MYO15A: variants seen among roughly 807,000 people sequenced by gnomAD.
The protein encoded by MYO15A is myosin XVA.
In MYO15A, 308 loss-of-function variants were observed where a neutral mutation model predicts 394.6. The ratio of observed to expected loss-of-function variants is 0.78; its 90% CI spans 0.71 to 0.86. MYO15A has a LOEUF of 0.86. Among genes scored for constraint, MYO15A ranks in the 40% least tolerant of loss-of-function variants. The probability of loss-of-function intolerance (pLI) is 0.00; values close to 1 mark genes in which losing one functional copy is unlikely to be tolerated. For synonymous variants in MYO15A, 1,957 were observed against 2,003.8 expected (o/e 0.98, Z 0.62); for missense variants, 4,606 against 4,799.1 (o/e 0.96, Z 1.19).
chr17:18,175,803 G>A (rs1186259166), intron 65 of MYO15A, among the ~76,000 whole-genome samples: 3 of 152,040 alleles, frequency 2.0e-5, no homozygotes, highest in Non-Finnish European at 4.4e-5. Flanking sequence ...AGGCACTCAG[G>A]CCCCAAATCT....
rs200487256 is a variant in MYO15A, at chr17:18,124,582, G to A, written c.3692+17G>A. ...ACAGCTGGAGTGAGTGGGCAGGGCCGGCGGGGTCAGCAAGGGGTCACCATG... is the reference window on the plus strand; with the variant it reads ...ACAGCTGGAGTGAGTGGGCAGGGCCAGCGGGGTCAGCAAGGGGTCACCATG... On this transcript the variant is annotated intron_variant, in intron 3 of 65. Coordinates refer to ENST00000647165, the MANE Select transcript of MYO15A (RefSeq NM_016239.4). The A allele has an allele frequency of 5.3e-5, 85 of 1,611,738 alleles. No individual in the cohort carries two copies. The highest frequency in any genetic ancestry group is 2.6e-4 in the South Asian group (24 of 90,928).
chr17:18,161,821 G>A (rs2046781571), intron 57 of MYO15A, among the ~76,000 whole-genome samples: 1 of 152,078 alleles, frequency 6.6e-6, no homozygotes, highest in Non-Finnish European at 1.5e-5. Flanking sequence ...TGACTGTTGG[G>A]ACTCAGCAAG....
In MYO15A at chr17:18,136,485, C is replaced by T. The variant is rs540524665; in HGVS notation, c.4655+10C>T. ...GCGCTGTGGATGCCAGGTGAGGCCA[C>T]GCCCTCCCCTGCCTGAGCCCCGAGG... On this transcript the variant is annotated intron_variant, in intron 14 of 65. Coordinates refer to ENST00000647165, the MANE Select transcript of MYO15A (RefSeq NM_016239.4). The T allele has an allele frequency of 3.2e-5, 51 of 1,613,602 alleles. No homozygotes were observed. The highest frequency in any genetic ancestry group is 2.0e-4 in the South Asian group (18 of 91,078).
chr17:18,114,307 A>G (rs573017932), intron 1 of MYO15A, among the ~76,000 whole-genome samples: 4 of 125,610 alleles, frequency 3.2e-5, no homozygotes, highest in African/African-American at 9.1e-5. Flanking sequence ...GCTGGAGTGC[A>G]ATGGCTTCAT....
At chr17:18,115,472 G>GGCCCCAGT (rs2045771939) in intron 1 of MYO15A, among the ~76,000 whole-genome samples, 1 of 152,174 alleles carries the variant, frequency 6.6e-6, no homozygotes, top group Non-Finnish European at 1.5e-5. Context: ...TACAAAATTA[G>GGCCCCAGT]CTGGGCGTGG....
chr17:18,166,035 G>T (rs1352552364), intron 60 of MYO15A, among the ~76,000 whole-genome samples: 1 of 152,186 alleles, frequency 6.6e-6, no homozygotes, highest in Non-Finnish European at 1.5e-5. Context: ...ATAATGCAGG[G>T]CACTTTCCCA....
Position 18,156,955 on chromosome 17 carries a change from A to T in MYO15A, c.8603A>T (p.Asp2868Val). 2 of 1,613,950 alleles carry T rather than the reference A, an allele frequency of 1.2e-6. No individual in the cohort carries two copies. Among genetic ancestry groups the T allele is most frequent in the Non-Finnish European group, 1.7e-6 (2 of 1,179,954 alleles). Residue 2868 changes from aspartate (D) to valine (V), a missense_variant and splice_region_variant, in exon 49 of 66, where the codon GAC becomes GTC. By Grantham distance (152) the Asp-to-Val change is radical. Transcript: ENST00000647165. ...VDDFILELKK[D>V]SDYVVAVRNF... ...TCACCCTGCCTCTGGCTGACCCAGG[A>T]CTCTGACTACGTGGTCGCTGTGAGG...
chr17:18,156,457 T>G, intron 48 of MYO15A, 121 bp downstream of exon 48: 1 of 1,138,316 alleles, frequency 8.8e-7, no homozygotes, highest in Non-Finnish European at 1.3e-6. Context: ...GCCTTTGCAC[T>G]GGCTGTGCCT....
chr17:18,126,465 CTCGGGGG>C lies in MYO15A; in HGVS notation c.3866+10_3866+16del. On this transcript the variant is annotated intron_variant, in intron 5 of 65. Coordinates refer to ENST00000647165, the MANE Select transcript of MYO15A (RefSeq NM_016239.4). ...CTGGGAGAGAATCCCCCGTGAGTGT[CTCGGGGG>C]CGCTGCCCTGGGGTCTCTTGGGCCC... 1 of 1,612,320 alleles carries C rather than the reference CTCGGGGG, an allele frequency of 6.2e-7. No individual in the cohort carries two copies. The highest frequency in any genetic ancestry group is 8.5e-7 in the Non-Finnish European group (1 of 1,178,882).
Position 18,121,431 on chromosome 17 carries a change from G to A in MYO15A, c.2631G>A (p.Glu877=), listed in dbSNP as rs1461189167. 6.5e-7 allele frequency: 1 copy of A among 1,545,814 alleles called. No homozygotes were observed. Residue 877 remains glutamate (E), a synonymous_variant, in exon 2 of 66, where the codon GAG becomes GAA. Transcript: ENST00000647165. The surrounding 1 kb of genome is among the most constrained non-coding windows in gnomAD (Gnocchi z 5.3). ...RLPHTWRRLS[E]PPTRAVKPQV... is the part of the protein sequence containing the mutation. ...CGCACACGTGGCGGCGCCTCAGCGA[G>A]CCACCCACTCGGGCTGTGAAGCCGC...
rs921896398 is a variant in MYO15A at position 18,171,689 on chromosome 17, C to T, written c.10134C>T (p.Gly3378=). The T allele has an allele frequency of 2.5e-6, 4 of 1,613,270 alleles. No homozygotes were observed. The highest frequency in any genetic ancestry group is 3.4e-6 in the Non-Finnish European group (4 of 1,180,004). The stretch of plus-strand genomic sequence containing the variant: ...CCCAGCTCTACCGTACAACGGCAGG[C>T]TCGACCTGGCTCAACCTGGTCAGCC... The part of the protein sequence containing the change: ...IPAQLYRTTA[G]STWLNLVSQH... The change falls in exon 63 of 66, where the codon GGC becomes GGT. Residue 3378 remains glycine, a synonymous_variant. Coordinates refer to ENST00000647165, the MANE Select transcript of MYO15A (RefSeq NM_016239.4).
rs1394671323 is a variant in MYO15A, at chr17:18,151,487, T to A, written c.7747T>A (p.Tyr2583Asn). ...TQQIKNIVRQ[Y>N]QQPFRGGRPE... ...GCAGATCAAGAATATTGTCAGGCAG[T>A]ACCAGCAGCCGTTCCGGGGAGGCCG... The change falls in exon 40 of 66, where the codon TAC becomes AAC. Residue 2583 changes from tyrosine (Y) to asparagine (N), a missense_variant. Physicochemically the swap from Tyr to Asn is moderately radical, Grantham distance 143 (BLOSUM62 -2). This residue lies in a region of MYO15A where 2,776 missense variants were observed against 3,109.3 expected (regional missense o/e 0.89). Transcript: ENST00000647165. The A allele has an allele frequency of 6.2e-7, 1 of 1,614,020 alleles. No individual in the cohort carries two copies. The highest frequency in any genetic ancestry group is 1.3e-5 in the African/African-American group (1 of 74,908).
intron 55 of MYO15A, 23 bp from the exon 56 acceptor site, chr17:18,159,912 G>A (rs368279817): frequency 5.6e-6 from 9 of 1,612,966 alleles, no homozygotes; most frequent in Non-Finnish European, 6.8e-6. Flanking sequence ...TCTTTGGTGT[G>A]TAACCTCCCT....
chr17:18,126,415 G>T lies in MYO15A; in HGVS notation c.3825G>T (p.Gln1275His), dbSNP rs1273914731. ...YQMFGIYGPE[Q>H]VQQYNGRALG... ...TGTTTGGAATCTATGGGCCGGAGCA[G>T]GTGCAGCAGTACAACGGACGGGCCC... The change falls in exon 5 of 66, where the codon CAG (glutamine) becomes CAT (histidine). Residue 1275 changes from glutamine (Q) to histidine (H), a missense_variant. Gln to His is a conservative substitution (Grantham distance 24). Around this residue, in one of 2 missense-constraint regions of MYO15A, gnomAD observed 2,776 missense variants for 3,109.3 expected, o/e 0.89. Transcript: ENST00000647165. 8.1e-6 allele frequency: 13 copies of T among 1,613,896 alleles called. No homozygotes were observed. The highest frequency in any genetic ancestry group is 1.1e-5 in the Non-Finnish European group (13 of 1,180,016).
chr17:18,148,443 G>A lies in MYO15A; in HGVS notation c.6692-53G>A. 1 of 1,547,528 alleles carries A rather than the reference G, an allele frequency of 6.5e-7. No individual in the cohort carries two copies. Among genetic ancestry groups the A allele is most frequent in the Non-Finnish European group, 8.7e-7 (1 of 1,144,194 alleles). ...AGGAAGAAGCAAGCAGGGAGGCACA[G>A]CCAAACTGGACTCAGATGCTCCAAC... is the stretch of plus-strand genomic sequence containing the variant. On this transcript the variant is annotated intron_variant, in intron 31 of 65. Transcript: ENST00000647165. This position sits in a 1 kb window ranked among gnomAD's most constrained non-coding sequence, Gnocchi z 4.8.
chr17:18,116,919 CAAAAA>C, intron 1 of MYO15A, among the ~76,000 whole-genome samples: 1 of 87,084 alleles, frequency 1.1e-5, no homozygotes, highest in African/African-American at 5.0e-5. Flanking sequence ...GACTCTGTCT[CAAAAA>C]AAAAAAAAGA....
Position 18,159,014 on chromosome 17 carries a change from C to T in MYO15A, c.9156+17C>T, listed in dbSNP as rs1479755299. ...TTCACCAAGGTGTCCAGTCCCGGACCTCAGTTTCCCCATCTGTAAAATGGT... is the reference window on the plus strand; with the variant it reads ...TTCACCAAGGTGTCCAGTCCCGGACTTCAGTTTCCCCATCTGTAAAATGGT... On this transcript the variant is annotated intron_variant, in intron 53 of 65. Transcript: ENST00000647165. The T allele has an allele frequency of 1.9e-6, 3 of 1,612,542 alleles. No individual in the cohort carries two copies. The highest frequency in any genetic ancestry group is 1.3e-5 in the African/African-American group (1 of 74,852).
intron 1 of MYO15A, chr17:18,109,456 G>T: frequency 6.2e-6 from 1 of 162,148 alleles, no homozygotes; most frequent in Non-Finnish European, 1.4e-5. Flanking sequence ...GGTCAGGATG[G>T]TTGCGCAGTC....
chr17:18,110,866 T>A (rs567930000), intron 1 of MYO15A, among the ~76,000 whole-genome samples: 12 of 152,226 alleles, frequency 7.9e-5, no homozygotes, highest in Non-Finnish European at 1.5e-4. Context: ...GCACATGCTG[T>A]TCCACTTGCC....
Sources: gnomAD v4.1 joint callset for allele counts (sites outside exome capture counted in the v4.1 genomes callset) on GRCh38, gnomAD v4.1.1 for gene constraint, gnomAD v4.1.1 regional missense constraint, Gnocchi (gnomAD v3.1) non-coding constraint, MANE v1.5 for transcripts, NCBI Gene and HGNC (gene_info 2026-07-23, HGNC 2026-07-21) for gene names.